WNK1: variants seen among roughly 807,000 people sequenced by gnomAD.
The protein encoded by WNK1 is WNK lysine deficient protein kinase 1.
WNK1 carries 38 observed loss-of-function variants against 222.8 expected under a neutral mutation model. The ratio of observed to expected loss-of-function variants is 0.17; its 90% CI spans 0.13 to 0.22. The LOEUF is 0.22. WNK1 is among the 10% of genes least tolerant of loss of function. WNK1 has a pLI of 1.00. For missense variants in WNK1, 2,348 were observed against 2,918.4 expected, an observed-to-expected ratio of 0.80 and a Z score of 4.50; for synonymous variants, 1,090 against 1,092.9, an observed-to-expected ratio of 1.00 and a Z score of 0.05.
chr12:835,809 C>G (rs1366995190), intron 4 of WNK1, among the ~76,000 whole-genome samples: 4 of 152,142 alleles, frequency 2.6e-5, no homozygotes, highest in Non-Finnish European at 4.4e-5. Context: ...CAAAAATTAG[C>G]TGGGCATGAT....
At chr12:756,861 T>C (rs148654044) in intron 1 of WNK1, among the ~76,000 whole-genome samples, 18 of 152,366 alleles carry the variant, frequency 1.2e-4, no homozygotes, top group African/African-American at 4.3e-4. Flanking sequence ...TGAGTTAAGT[T>C]GTTGAGTTAA....
At chr12:903,824 A>T (rs959849569) in intron 26 of WNK1, among the ~76,000 whole-genome samples, 1 of 152,212 alleles carries the variant, frequency 6.6e-6, no homozygotes, top group Non-Finnish European at 1.5e-5. Flanking sequence ...GTATTATTCT[A>T]TGCTCTCAAA....
At chr12:894,172 C>A (rs186006637) in intron 22 of WNK1, among the ~76,000 whole-genome samples, 4 of 152,118 alleles carry the variant, frequency 2.6e-5, no homozygotes, top group Non-Finnish European at 5.9e-5. Flanking sequence ...GAGCTGAGAT[C>A]GCACCACTGC....
intron 8 of WNK1, among the ~76,000 whole-genome samples, chr12:867,041 T>G (rs2154070764): frequency 6.6e-6 from 1 of 152,248 alleles, no homozygotes; most frequent in East Asian, 1.9e-4. Flanking sequence ...AAGAATCCCT[T>G]GAACCCAGGA....
Position 889,184 on chromosome 12 carries a change from A to T in WNK1, c.5409A>T (p.Thr1803=). 2 of 1,614,128 alleles carry T rather than the reference A, an allele frequency of 1.2e-6. No individual in the cohort carries two copies. Among genetic ancestry groups the T allele is most frequent in the Non-Finnish European group, 1.7e-6 (2 of 1,179,998 alleles). Residue 1803 remains threonine (T), a synonymous_variant, in exon 21 of 28, where the codon ACA becomes ACT. Transcript: ENST00000315939. The part of the protein sequence containing the change: ...LEDLDAQLRR[T]LSPEMITVTS... ...ATCTTGATGCTCAATTGAGAAGAAC[A>T]CTTAGTCCAGAGATGATCACAGTGA...
intron 4 of WNK1, among the ~76,000 whole-genome samples, chr12:835,724 T>C (rs755559167): frequency 2.2e-4 from 33 of 152,042 alleles, no homozygotes; most frequent in Admixed American, 2.0e-3. Flanking sequence ...AGGCCAAGAC[T>C]GGGGGATCAC....
At chr12:772,404 GGTGTGT>G (rs372617624) in intron 1 of WNK1, among the ~76,000 whole-genome samples, 2 of 117,568 alleles carry the variant, frequency 1.7e-5, no homozygotes, top group South Asian at 3.0e-4. Flanking sequence ...TCATAATTGG[GGTGTGT>G]GTGTGTGTGT....
chr12:900,042 A>G (rs1192500522), intron 25 of WNK1, among the ~76,000 whole-genome samples: 2 of 120,708 alleles, frequency 1.7e-5, no homozygotes, highest in African/African-American at 3.2e-5. Context: ...TTTTGAGTGC[A>G]GTGGCATGAT....
At position 880,942 on chromosome 12, in the gene WNK1, G is replaced by T. The variant is rs907697539; in HGVS notation, c.3054G>T (p.Gln1018His). 10 of 1,614,158 alleles carry T rather than the reference G, an allele frequency of 6.2e-6. No homozygotes were observed. The highest frequency in any genetic ancestry group is 8.5e-6 in the Non-Finnish European group (10 of 1,180,020). The change falls in exon 12 of 28, where the codon CAG (glutamine) becomes CAT (histidine). Residue 1018 changes from glutamine to histidine, a missense_variant. By Grantham distance (24) the Gln-to-His change is conservative. Transcript: ENST00000315939. Reference protein sequence around the residue: ...GGVGGQVQVSQPGGSLAQAPT... With the variant: ...GGVGGQVQVSHPGGSLAQAPT... ...TAGGAGGACAGGTTCAAGTGTCCCA[G>T]CCAGGAGGGAGTTTAGCACAAGCCC... is the stretch of plus-strand genomic sequence containing the variant.
intron 9 of WNK1, among the ~76,000 whole-genome samples, chr12:872,220 G>A (rs2154075214): frequency 6.6e-6 from 1 of 152,292 alleles, no homozygotes; most frequent in South Asian, 2.1e-4. Flanking sequence ...CCATCTCCCA[G>A]GTTCAAGCTA....
At chr12:881,598 G>A (rs931002599) in intron 12 of WNK1, 94 bp from the exon 13 acceptor site, 2 of 967,494 alleles carry the variant, frequency 2.1e-6, no homozygotes, top group Non-Finnish European at 3.3e-6. Flanking sequence ...AGGACGTAGT[G>A]GGGAGGGATA....
chr12:847,932 C>T (rs7966395), intron 4 of WNK1, among the ~76,000 whole-genome samples: 19,175 of 151,270 alleles, frequency 0.13, 1,556 homozygotes, highest in Middle Eastern at 0.21. Context: ...CTCAGCCTCC[C>T]GAGTAGCTGG....
In WNK1 at chr12:865,115, T is replaced by C. The variant is rs1951533512; in HGVS notation, c.2139+2845T>C. 2 of 1,517,960 alleles carry C rather than the reference T, an allele frequency of 1.3e-6. No homozygotes were observed. The highest frequency in any genetic ancestry group is 1.8e-6 in the Non-Finnish European group (2 of 1,135,934). The allele number at this position is 1,517,960 out of a possible 1,614,324, so 94.0% of individuals were successfully genotyped here. A position where few individuals can be genotyped will look rare whatever the true frequency, so the allele number is the denominator to read the frequency against. ...TGTGTTTGTTTTGTGTTGAGCCTCG[T>C]CGTGGCCGTAGCATGTCGGTTTGTG... On this transcript the variant is annotated intron_variant, in intron 8 of 27. Coordinates refer to ENST00000315939, the MANE Select transcript of WNK1 (RefSeq NM_018979.4).
intron 25 of WNK1, among the ~76,000 whole-genome samples, chr12:899,908 A>G (rs1219660843): frequency 1.3e-5 from 2 of 151,836 alleles, no homozygotes; most frequent in South Asian, 4.2e-4. Context: ...GGTATCCACT[A>G]GGTACTCTGG....
chr12:816,784 A>G (rs1426354690), intron 2 of WNK1, among the ~76,000 whole-genome samples: 1 of 152,234 alleles, frequency 6.6e-6, no homozygotes, highest in African/African-American at 2.4e-5. Context: ...TGACCTCACA[A>G]TTAAATTACA....
At chr12:791,422 T>C (rs1415349736) in intron 1 of WNK1, among the ~76,000 whole-genome samples, 1 of 152,172 alleles carries the variant, frequency 6.6e-6, no homozygotes, top group East Asian at 1.9e-4. Context: ...TTATAAATTA[T>C]ATCATGTATG....
intron 26 of WNK1, chr12:906,698 A>G: frequency 1.0e-6 from 1 of 984,978 alleles, no homozygotes; most frequent in Non-Finnish European, 1.2e-6. Context: ...CAGGTGAAAA[A>G]CTTTTCTGAA....
intron 4 of WNK1, among the ~76,000 whole-genome samples, chr12:832,155 A>G (rs1948850409): frequency 6.6e-6 from 1 of 152,114 alleles, no homozygotes; most frequent in African/African-American, 2.4e-5. Context: ...GGCTCACTGC[A>G]AGCTCTGCCT....
chr12:753,649 C>A lies in WNK1; in HGVS notation c.84C>A (p.Gly28=). 1 of 1,612,716 alleles carries A rather than the reference C, an allele frequency of 6.2e-7. No homozygotes were observed. The highest frequency in any genetic ancestry group is 1.1e-5 in the South Asian group (1 of 91,078). Residue 28 remains glycine (G), a synonymous_variant, in exon 1 of 28, where the codon GGC becomes GGA. Coordinates refer to ENST00000315939, the MANE Select transcript of WNK1 (RefSeq NM_018979.4). This position sits in a 1 kb window ranked among gnomAD's most constrained non-coding sequence, Gnocchi z 5.2. ...LSPPAPAPKN[G]SSSDSSVGEK... ...CGCCGGCTCCTGCCCCCAAGAATGGCTCCAGCTCCGATTCCTCCGTGGGGG... is the reference window on the plus strand; with the variant it reads ...CGCCGGCTCCTGCCCCCAAGAATGGATCCAGCTCCGATTCCTCCGTGGGGG...
Sources: allele counts gnomAD v4.1 joint callset (sites outside exome capture counted in the v4.1 genomes callset), GRCh38; gene constraint gnomAD v4.1.1; non-coding constraint Gnocchi (gnomAD v3.1); transcripts MANE v1.5; gene names NCBI Gene and HGNC (gene_info 2026-07-23, HGNC 2026-07-21).